Variants in WWTR1 observed in about 807,000 individuals in gnomAD.
The protein encoded by WWTR1 is WW domain containing transcription regulator 1, also known as WW domain-containing transcription regulator protein 1.
Under a neutral mutation model 40.1 loss-of-function variants are expected in WWTR1, and 13 were observed. The observed-to-expected ratio is 0.32, with a 90% CI of 0.21 to 0.52. WWTR1 has a LOEUF of 0.52. WWTR1 is among the 20% of genes least tolerant of loss of function. The probability of loss-of-function intolerance (pLI) is 0.97; values close to 1 mark genes in which losing one functional copy is unlikely to be tolerated. For missense variants in WWTR1, 436 were observed against 523.1 expected, an observed-to-expected ratio of 0.83 and a Z score of 1.63; for synonymous variants, 230 against 210.1, an observed-to-expected ratio of 1.09 and a Z score of -0.82.
intron 2 of WWTR1, among the ~76,000 whole-genome samples, chr3:149,650,679 C>T (rs1295867569): frequency 6.6e-6 from 1 of 152,120 alleles, no homozygotes; most frequent in Non-Finnish European, 1.5e-5. Flanking sequence ...CACACAAAAA[C>T]AGCTCAATTT....
chr3:149,521,800 T>A (rs1288448574), intron 6 of WWTR1, among the ~76,000 whole-genome samples: 1 of 152,164 alleles, frequency 6.6e-6, no homozygotes, highest in Non-Finnish European at 1.5e-5. Context: ...CTGACTTTGG[T>A]GTCATTAGAT....
At chr3:149,656,762 CTT>C (rs367657730) in intron 2 of WWTR1, 112 bp downstream of exon 2, 121,832 of 578,656 alleles carry the variant, frequency 0.21, 6,733 homozygotes, top group East Asian at 0.35. Context: ...CCATCTCTCT[CTT>C]TCTCTCTCTC....
At chr3:149,521,784 G>T (rs1735055787) in intron 6 of WWTR1, among the ~76,000 whole-genome samples, 2 of 152,186 alleles carry the variant, frequency 1.3e-5, no homozygotes, top group African/African-American at 4.8e-5. Context: ...GGGACAGAAT[G>T]CACTACTGAC....
chr3:149,706,233 AAGAATGTT>A (rs1305879843), upstream of WWTR1, among the ~76,000 whole-genome samples: 1 of 152,160 alleles, frequency 6.6e-6, no homozygotes, highest in Non-Finnish European at 1.5e-5. Context: ...AAAAAAGAAA[AAGAATGTT>A]CACATGTAAA....
chr3:149,583,267 C>A (rs1235171228), intron 2 of WWTR1, among the ~76,000 whole-genome samples: 1 of 152,148 alleles, frequency 6.6e-6, no homozygotes, highest in Non-Finnish European at 1.5e-5. Context: ...CGCCCAGCCA[C>A]ATGAATAGTG....
rs571988799 is a variant in WWTR1, at chr3:149,619,764, A to T, written c.431+37112T>A. On this transcript the variant is annotated intron_variant, in intron 2 of 6. Coordinates refer to ENST00000360632, the MANE Select transcript of WWTR1 (RefSeq NM_015472.6). Reference sequence around the variant, plus strand: ...AGGTTTAGGCTTGAACTGACTGCCAAGGGACACAGTTTACCTTTCTTGCCC... The same window carrying T: ...AGGTTTAGGCTTGAACTGACTGCCATGGGACACAGTTTACCTTTCTTGCCC... Among the ~76,000 whole-genome samples, 7 of 152,320 alleles carry T rather than the reference A, an allele frequency of 4.6e-5. No individual in the cohort carries two copies. In the South Asian group the frequency reaches 1.4e-3, roughly 32 times the overall value.
In WWTR1 at chr3:149,549,716, G is replaced by A. The variant is rs374052913; in HGVS notation, c.569-7179C>T. On this transcript the variant is annotated intron_variant, in intron 3 of 6. Transcript: ENST00000360632. Reference sequence around the variant, plus strand: ...TAGCTGGGCATGGTGGCATGCATTCGTGGTCCCAGCTACTTGGGAGGCTGG... The same window carrying A: ...TAGCTGGGCATGGTGGCATGCATTCATGGTCCCAGCTACTTGGGAGGCTGG... 1.1e-4 allele frequency among the ~76,000 whole-genome samples: 16 copies of A among 152,210 alleles called. No homozygotes were observed. In the East Asian group the frequency reaches 2.3e-3, roughly 22 times the overall value.
intron 3 of WWTR1, among the ~76,000 whole-genome samples, chr3:149,569,399 G>A (rs532268593): frequency 1.3e-3 from 194 of 152,148 alleles, no homozygotes; most frequent in Non-Finnish European, 2.2e-3. Flanking sequence ...ATATAAACTC[G>A]TAAGTTCCTC....
At chr3:149,588,668 C>T (rs1490303051) in intron 2 of WWTR1, among the ~76,000 whole-genome samples, 1 of 152,032 alleles carries the variant, frequency 6.6e-6, no homozygotes, top group Non-Finnish European at 1.5e-5. Context: ...CTTTACATTT[C>T]TTTGTTCTTT....
Position 149,527,063 on chromosome 3 carries a change from C to A in WWTR1, c.905+773G>T, listed in dbSNP as rs1019094721. Among the ~76,000 whole-genome samples, 3 of 152,156 alleles carry A rather than the reference C, an allele frequency of 2.0e-5. No homozygotes were observed. In the South Asian group the frequency reaches 6.2e-4, roughly 32 times the overall value. On this transcript the variant is annotated intron_variant, in intron 5 of 6. Transcript: ENST00000360632. ...ATCTTACATAACCATAGTGCAATTACCAAAATCAGAAATCTGACACTGTAG... is the reference window on the plus strand; with the variant it reads ...ATCTTACATAACCATAGTGCAATTAACAAAATCAGAAATCTGACACTGTAG...
upstream of WWTR1, chr3:149,659,981 T>C (rs995464358): frequency 6.8e-6 from 1 of 147,418 alleles, no homozygotes. Flanking sequence ...TGCAGTGGCA[T>C]GATCGCGGCT....
intron 1 of WWTR1, among the ~76,000 whole-genome samples, chr3:149,685,913 T>G (rs1178032699): frequency 6.6e-6 from 1 of 152,164 alleles, no homozygotes; most frequent in African/African-American, 2.4e-5. Context: ...AAAATTATAG[T>G]GAATTTATTT....
intron 3 of WWTR1, among the ~76,000 whole-genome samples, chr3:149,552,511 A>G (rs1168033269): frequency 6.6e-6 from 1 of 152,188 alleles, no homozygotes; most frequent in East Asian, 1.9e-4. Flanking sequence ...TCTCTAGAGG[A>G]TGCATTTTAA....
intron 2 of WWTR1, 31 bp from the exon 3 acceptor site, chr3:149,573,031 T>G: frequency 6.4e-7 from 1 of 1,568,734 alleles, no homozygotes; most frequent in East Asian, 2.2e-5. Context: ...AATTATCTTT[T>G]TAATTGTCAG....
chr3:149,643,540 G>A (rs1026825113), intron 2 of WWTR1, among the ~76,000 whole-genome samples: 4 of 152,198 alleles, frequency 2.6e-5, no homozygotes, highest in African/African-American at 9.6e-5. Flanking sequence ...TTAATAGGAT[G>A]CTTAAACAAG....
intron 2 of WWTR1, among the ~76,000 whole-genome samples, chr3:149,628,423 A>G (rs1385735513): frequency 6.6e-6 from 1 of 151,804 alleles, no homozygotes; most frequent in African/African-American, 2.4e-5. Flanking sequence ...GCACTTTGTG[A>G]GCTGCATGCT....
intron 2 of WWTR1, among the ~76,000 whole-genome samples, chr3:149,636,425 A>G (rs765687093): frequency 2.0e-5 from 3 of 152,250 alleles, no homozygotes; most frequent in Non-Finnish European, 2.9e-5. Context: ...ATCAAGTGGA[A>G]TGTGGAAATA....
chr3:149,695,282 T>C (rs777625443), intron 1 of WWTR1, among the ~76,000 whole-genome samples: 17 of 152,136 alleles, frequency 1.1e-4, no homozygotes, highest in Admixed American at 6.6e-4. Flanking sequence ...CAATAATTTA[T>C]TGTACATTTT....
intron 2 of WWTR1, among the ~76,000 whole-genome samples, chr3:149,663,471 A>G (rs560260735): frequency 2.5e-4 from 38 of 152,044 alleles, no homozygotes; most frequent in Admixed American, 3.9e-4. Flanking sequence ...CAAGGCAGGC[A>G]GATCACCTGA....
Sources: gnomAD v4.1 joint callset for allele counts (sites outside exome capture counted in the v4.1 genomes callset) on GRCh38, gnomAD v4.1.1 for gene constraint, MANE v1.5 for transcripts, NCBI Gene and HGNC (gene_info 2026-07-23, HGNC 2026-07-21) for gene names.